ZC3H3: variants seen among roughly 807,000 people sequenced by gnomAD.
ZC3H3 encodes zinc finger CCCH domain-containing protein 3.
A neutral mutation model predicts 77.3 loss-of-function variants in ZC3H3; 36 were observed. That is an observed-to-expected ratio of 0.47 (90% confidence interval 0.36 to 0.61). The LOEUF (loss-of-function observed/expected upper bound fraction) is 0.61. Ranked by LOEUF, ZC3H3 falls within the 20% of genes least tolerant of loss-of-function variation. ZC3H3 has a pLI of 0.00. For missense variants in ZC3H3, 1,331 were observed against 1,312.2 expected (o/e 1.01, Z -0.22); for synonymous variants, 626 against 555.2 (o/e 1.13, Z -1.79).
chr8:143,507,738 C>G lies in ZC3H3; in HGVS notation c.1715+8G>C. ...AGGCCTGCAGGAGCCTGCAGGAAGCCTTCCTACCTGGATAGTGAGAGCCGC... is the reference window on the plus strand; with the variant it reads ...AGGCCTGCAGGAGCCTGCAGGAAGCGTTCCTACCTGGATAGTGAGAGCCGC... On this transcript the variant is annotated splice_region_variant and intron_variant, in intron 4 of 11. Coordinates refer to ENST00000262577, the MANE Select transcript of ZC3H3 (RefSeq NM_015117.3). 3 of 1,559,410 alleles carry G rather than the reference C, an allele frequency of 1.9e-6. No homozygotes were observed. The South Asian group carries it at 3.5e-5, about 18-fold the overall frequency.
intron 4 of ZC3H3, among the ~76,000 whole-genome samples, chr8:143,492,438 T>C (rs1037367786): frequency 1.3e-5 from 2 of 152,112 alleles, no homozygotes; most frequent in African/African-American, 4.8e-5. Context: ...ACACTGGCCC[T>C]GAACCTCTGC....
At chr8:143,466,373 C>A (rs1164134895) in intron 8 of ZC3H3, among the ~76,000 whole-genome samples, 6 of 152,230 alleles carry the variant, frequency 3.9e-5, no homozygotes, top group Admixed American at 3.3e-4. Flanking sequence ...GGAAGCAGGG[C>A]TGGTGTGGCA....
intron 4 of ZC3H3, chr8:143,484,690 C>A (rs973553375): frequency 1.3e-5 from 3 of 236,882 alleles, no homozygotes; most frequent in Non-Finnish European, 2.6e-5. Flanking sequence ...ACCTGTGCCA[C>A]CCTTTGGGCT....
At chr8:143,445,240 G>A (rs1211096832) in intron 9 of ZC3H3, among the ~76,000 whole-genome samples, 3 of 152,088 alleles carry the variant, frequency 2.0e-5, no homozygotes, top group Non-Finnish European at 4.4e-5. Context: ...AATTAGCTGG[G>A]CATAGTGGCA....
chr8:143,463,045 G>A lies in ZC3H3; in HGVS notation c.2307+2672C>T, dbSNP rs553074574. ...GTCACGTAGGCTGGAGTGCAGTGGCGCAATCTCAGCTCACCACAACCTCCA... is the reference window on the plus strand; with the variant it reads ...GTCACGTAGGCTGGAGTGCAGTGGCACAATCTCAGCTCACCACAACCTCCA... On this transcript the variant is annotated intron_variant, in intron 9 of 11. Coordinates refer to ENST00000262577, the MANE Select transcript of ZC3H3 (RefSeq NM_015117.3). Among the ~76,000 whole-genome samples the A allele has an allele frequency of 1.1e-3, 169 of 150,496 alleles. 1 individual carries two copies. The highest frequency in any genetic ancestry group is 2.0e-3 in the Non-Finnish European group (137 of 67,798).
chr8:143,523,326 C>G, intron 3 of ZC3H3: 2 of 985,444 alleles, frequency 2.0e-6, no homozygotes, highest in Non-Finnish European at 2.4e-6. Context: ...ACCTGCAGCG[C>G]CAGCGGCTCA....
rs2130515192 is a variant in ZC3H3 at position 143,536,356 on chromosome 8, G to C, written c.1462C>G (p.Pro488Ala). 3 of 1,605,362 alleles carry C rather than the reference G, an allele frequency of 1.9e-6. No individual in the cohort carries two copies. In the South Asian group the frequency reaches 3.4e-5, roughly 18 times the overall value. The change falls in exon 3 of 12, where the codon CCT becomes GCT. Residue 488 changes from proline to alanine, a missense_variant. Pro to Ala is a conservative substitution (Grantham distance 27, BLOSUM62 -1). Transcript: ENST00000262577. ...RRQALRGKSS[P>A]VLKKTPNKGL... The stretch of plus-strand genomic sequence containing the variant: ...TTGTTGGGGGTCTTCTTCAGGACAG[G>C]GCTGCTCTTCCCCCTGAGGGCCTGT...
At chr8:143,461,972 C>G (rs930584218) in intron 9 of ZC3H3, among the ~76,000 whole-genome samples, 1 of 149,692 alleles carries the variant, frequency 6.7e-6, no homozygotes, top group African/African-American at 2.5e-5. Flanking sequence ...TTCAGTTAAG[C>G]TGCTTTTTTT....
intron 9 of ZC3H3, among the ~76,000 whole-genome samples, chr8:143,455,021 A>G (rs1017538866): frequency 2.3e-4 from 32 of 141,684 alleles, no homozygotes; most frequent in African/African-American, 9.1e-4. Flanking sequence ...TCAACTTCAG[A>G]AAAAAAAAAA....
At chr8:143,471,665 G>A (rs940829256) in intron 5 of ZC3H3, among the ~76,000 whole-genome samples, 3 of 152,178 alleles carry the variant, frequency 2.0e-5, no homozygotes, top group Non-Finnish European at 2.9e-5. Flanking sequence ...GGGAGGGCTC[G>A]GCTTCAGGGA....
rs900004584 is a variant in ZC3H3, at chr8:143,462,615, C to A, written c.2307+3102G>T. Among the ~76,000 whole-genome samples, 1 of 152,180 alleles carries A rather than the reference C, an allele frequency of 6.6e-6. No homozygotes were observed. Among genetic ancestry groups the A allele is most frequent in the African/African-American group, 2.4e-5 (1 of 41,438 alleles). On this transcript the variant is annotated intron_variant, in intron 9 of 11. Coordinates refer to ENST00000262577, the MANE Select transcript of ZC3H3 (RefSeq NM_015117.3). The surrounding 1 kb of genome is among the most constrained non-coding windows in gnomAD (Gnocchi z 4.7). ...TCAGCTCGCACTTGGGGAGCTGAAACCCAAGGCTCAGCCAGGGCCTTCCCT... is the reference window on the plus strand; with the variant it reads ...TCAGCTCGCACTTGGGGAGCTGAAAACCAAGGCTCAGCCAGGGCCTTCCCT...
chr8:143,476,099 G>C (rs1229426610), intron 4 of ZC3H3, among the ~76,000 whole-genome samples: 2 of 152,148 alleles, frequency 1.3e-5, no homozygotes, highest in Non-Finnish European at 2.9e-5. Flanking sequence ...TCGGCTTCAA[G>C]GCTGGGGCTA....
At chr8:143,447,296 C>T (rs377381324) in intron 9 of ZC3H3, among the ~76,000 whole-genome samples, 2 of 152,344 alleles carry the variant, frequency 1.3e-5, no homozygotes, top group African/African-American at 4.8e-5. Context: ...TTCCCACTGT[C>T]CAAAATCAAA....
chr8:143,461,757 G>A (rs898814428), intron 9 of ZC3H3, among the ~76,000 whole-genome samples: 1 of 152,044 alleles, frequency 6.6e-6, no homozygotes, highest in Non-Finnish European at 1.5e-5. Flanking sequence ...CCAGCAACAC[G>A]AAAGGCCCAC....
chr8:143,495,662 A>T lies in ZC3H3; in HGVS notation c.1715+12084T>A, dbSNP rs1273411236. On this transcript the variant is annotated intron_variant, in intron 4 of 11. Transcript: ENST00000262577. ...GCAGTGTCAGTCAGGGCTCATTGTA[A>T]CCTCGACCTCCTGGGCTCAAGCGAT... 3.3e-5 allele frequency among the ~76,000 whole-genome samples: 5 copies of T among 151,942 alleles called. No homozygotes were observed. The East Asian group carries it at 9.6e-4, about 29-fold the overall frequency.
chr8:143,464,739 T>C (rs1371156483), intron 9 of ZC3H3, among the ~76,000 whole-genome samples: 1 of 152,088 alleles, frequency 6.6e-6, no homozygotes, highest in African/African-American at 2.4e-5. Context: ...GAGGTCCAGG[T>C]GGCAGTGAGC....
chr8:143,532,095 A>G (rs1822630714), intron 3 of ZC3H3, among the ~76,000 whole-genome samples: 1 of 152,276 alleles, frequency 6.6e-6, no homozygotes, highest in African/African-American at 2.4e-5. Flanking sequence ...CCAATTTGCA[A>G]GGATAATTAT....
chr8:143,439,826 AGCCCTTGGTG>A (rs1819680107), intron 11 of ZC3H3, among the ~76,000 whole-genome samples: 3 of 148,764 alleles, frequency 2.0e-5, no homozygotes, highest in South Asian at 2.1e-4. Context: ...TGCCTACCTG[AGCCCTTGGTG>A]AGGGGGGCCC....
chr8:143,480,530 T>A (rs1820879814), intron 4 of ZC3H3, among the ~76,000 whole-genome samples: 1 of 152,222 alleles, frequency 6.6e-6, no homozygotes, highest in African/African-American at 2.4e-5. Context: ...GTGGCCCAGA[T>A]CAGTGGCCTC....
Sources: gnomAD v4.1 joint callset for allele counts (sites outside exome capture counted in the v4.1 genomes callset) on GRCh38, gnomAD v4.1.1 for gene constraint, Gnocchi (gnomAD v3.1) non-coding constraint, MANE v1.5 for transcripts, NCBI Gene and HGNC (gene_info 2026-07-23, HGNC 2026-07-21) for gene names.